Variants in WDFY3 observed in about 807,000 individuals in gnomAD.
WDFY3 encodes the protein WD repeat and FYVE domain containing 3, also known as WD repeat and FYVE domain-containing protein 3.
In WDFY3, 66 loss-of-function variants were observed where a neutral mutation model predicts 409.6. The ratio of observed to expected loss-of-function variants is 0.16; its 90% CI spans 0.13 to 0.20. WDFY3 has a LOEUF of 0.20. Among genes scored for constraint, WDFY3 ranks in the 10% least tolerant of loss-of-function variants. WDFY3 has a pLI of 1.00. For missense variants in WDFY3, 3,031 were observed against 4,298.1 expected (o/e 0.71, Z 8.24); for synonymous variants, 1,521 against 1,537.1 (o/e 0.99, Z 0.25).
intron 38 of WDFY3, 142 bp downstream of exon 38, chr4:84,741,619 T>A: frequency 9.9e-7 from 1 of 1,009,598 alleles, no homozygotes; most frequent in Non-Finnish European, 1.4e-6. Flanking sequence ...CCAGCCTGTC[T>A]CTATTCACTT....
At chr4:84,958,508 T>C (rs1317962218) in intron 1 of WDFY3, among the ~76,000 whole-genome samples, 2 of 152,138 alleles carry the variant, frequency 1.3e-5, no homozygotes, top group Admixed American at 1.3e-4. Flanking sequence ...AGTTTCATAA[T>C]AGGAGTACAA....
intron 1 of WDFY3, among the ~76,000 whole-genome samples, chr4:84,959,025 AATT>A (rs985709825): frequency 5.3e-5 from 8 of 152,334 alleles, no homozygotes; most frequent in Admixed American, 2.0e-4. Context: ...AATAATTGAC[AATT>A]ATTGACAGTA....
chr4:84,827,704 G>A (rs1262690702), intron 9 of WDFY3, among the ~76,000 whole-genome samples: 2 of 152,166 alleles, frequency 1.3e-5, no homozygotes, highest in Admixed American at 1.3e-4. Context: ...CTAGTAATGT[G>A]AAGTGGTTAT....
At chr4:84,731,102 C>G (rs936826243) in intron 44 of WDFY3, among the ~76,000 whole-genome samples, 2 of 152,054 alleles carry the variant, frequency 1.3e-5, no homozygotes, top group African/African-American at 4.8e-5. Flanking sequence ...TGGCAAAAGT[C>G]TCATTATGTT....
intron 2 of WDFY3, among the ~76,000 whole-genome samples, chr4:84,901,513 A>C (rs761886622): frequency 6.6e-6 from 1 of 152,204 alleles, no homozygotes; most frequent in Non-Finnish European, 1.5e-5. Flanking sequence ...AGTCTCCATA[A>C]GCATAAGAAA....
chr4:84,779,269 A>T (rs575770533), intron 26 of WDFY3, among the ~76,000 whole-genome samples: 7 of 152,362 alleles, frequency 4.6e-5, no homozygotes, highest in African/African-American at 1.7e-4. Context: ...ACAACACAGT[A>T]AACAGTATAT....
chr4:84,955,202 CA>C (rs1289054208), intron 1 of WDFY3, among the ~76,000 whole-genome samples: 72 of 96,128 alleles, frequency 7.5e-4, no homozygotes, highest in Admixed American at 9.0e-4. Flanking sequence ...AACACTGTCT[CA>C]AAAAAAAAAA....
At chr4:84,773,678 C>T (rs1745061307) in intron 29 of WDFY3, among the ~76,000 whole-genome samples, 1 of 152,116 alleles carries the variant, frequency 6.6e-6, no homozygotes, top group Non-Finnish European at 1.5e-5. Flanking sequence ...AATTAATTCT[C>T]CAAAATAATT....
chr4:84,828,856 A>G, intron 9 of WDFY3, 148 bp downstream of exon 9: 1 of 762,446 alleles, frequency 1.3e-6, no homozygotes, highest in Non-Finnish European at 1.9e-6. Context: ...CTGTGATTGC[A>G]CCAGAAAAAG....
Position 84,766,240 on chromosome 4 carries a change from A to C in WDFY3, c.4970+12T>G. On this transcript the variant is annotated intron_variant, in intron 31 of 67. Transcript: ENST00000295888. ...CAACTGGTATAATCACTTTTAAAAAAGATTTACTTACTGCAAATTAATGCT... is the reference window on the plus strand; with the variant it reads ...CAACTGGTATAATCACTTTTAAAAACGATTTACTTACTGCAAATTAATGCT... The C allele has an allele frequency of 6.4e-7, 1 of 1,568,904 alleles. No individual in the cohort carries two copies. The highest frequency in any genetic ancestry group is 8.6e-7 in the Non-Finnish European group (1 of 1,159,008).
At chr4:84,893,968 G>A (rs182580187) in intron 3 of WDFY3, among the ~76,000 whole-genome samples, 13 of 150,430 alleles carry the variant, frequency 8.6e-5, no homozygotes, top group Non-Finnish European at 1.6e-4. Context: ...CAGCCTGGGC[G>A]ACAGAGCAAG....
chr4:84,796,505 C>T lies in WDFY3; in HGVS notation c.3167+16G>A. ...GCATAAAACCATAAAGGTTGGCTTC[C>T]TTGCAAATTTCTTACCCAAACCCTT... On this transcript the variant is annotated intron_variant, in intron 19 of 67. Transcript: ENST00000295888. 1 of 1,512,862 alleles carries T rather than the reference C, an allele frequency of 6.6e-7. No homozygotes were observed. Among genetic ancestry groups the T allele is most frequent in the Non-Finnish European group, 8.9e-7 (1 of 1,124,970 alleles). The allele number at this position is 1,512,862 out of a possible 1,614,324, so 93.7% of individuals were successfully genotyped here.
intron 1 of WDFY3, among the ~76,000 whole-genome samples, chr4:84,951,702 C>G (rs1166728704): frequency 2.6e-5 from 4 of 152,170 alleles, no homozygotes; most frequent in Non-Finnish European, 4.4e-5. Context: ...TTAGATACTG[C>G]AATGCAACCA....
chr4:84,778,300 A>G (rs55724123), intron 27 of WDFY3, among the ~76,000 whole-genome samples: 2,743 of 152,276 alleles, frequency 0.018, 32 homozygotes, highest in Admixed American at 0.029. Flanking sequence ...TTTCACTTCT[A>G]AAATATTTGC....
rs181119654 is a variant in WDFY3, at chr4:84,755,406, G to C, written c.5425-6C>G. 2 of 1,603,048 alleles carry C rather than the reference G, an allele frequency of 1.2e-6. No individual in the cohort carries two copies. The highest frequency in any genetic ancestry group is 4.5e-5 in the East Asian group (2 of 44,676). ...CAAATGGAATCCAAATCAAACTGCA[G>C]AGGTGAAAGGGAGCAAATATTAGCC... On this transcript the variant is annotated splice_polypyrimidine_tract_variant and splice_region_variant and intron_variant, in intron 33 of 67. Transcript: ENST00000295888.
At chr4:84,924,672 T>C (rs1769740057) in intron 2 of WDFY3, among the ~76,000 whole-genome samples, 1 of 152,218 alleles carries the variant, frequency 6.6e-6, no homozygotes, top group Non-Finnish European at 1.5e-5. Flanking sequence ...AATCCTCTGC[T>C]CTTTCACCTA....
rs1425508329 is a variant in WDFY3 at position 84,702,384 on chromosome 4, T to G, written c.8565A>C (p.Glu2855Asp). 6.2e-7 allele frequency: 1 copy of G among 1,612,546 alleles called. No homozygotes were observed. Among genetic ancestry groups the G allele is most frequent in the Non-Finnish European group, 8.5e-7 (1 of 1,179,482 alleles). Residue 2855 changes from glutamate to aspartate, a missense_variant, in exon 56 of 68, where the codon GAA becomes GAC. Transcript: ENST00000295888. The part of the protein sequence containing the change: ...ELIPEFFYLP[E>D]FLFNSNNFDL... ...CAAAGTTGTTGGAATTGAACAGGAA[T>G]TCTGGTAAATAAAAGAACTCTGGGA... is the stretch of plus-strand genomic sequence containing the variant.
intron 62 of WDFY3, among the ~76,000 whole-genome samples, chr4:84,684,432 T>A (rs1727958113): frequency 6.6e-6 from 1 of 152,192 alleles, no homozygotes; most frequent in African/African-American, 2.4e-5. Context: ...GAAAGCTCCC[T>A]GTCATCTGAG....
At chr4:84,741,983 C>T (rs756372674) in intron 37 of WDFY3, 62 bp from the exon 38 acceptor site, 25 of 1,429,468 alleles carry the variant, frequency 1.7e-5, no homozygotes, top group East Asian at 2.4e-5. Flanking sequence ...GGACCAGATC[C>T]TCAAAAAAAA....
Sources: allele counts gnomAD v4.1 joint callset (sites outside exome capture counted in the v4.1 genomes callset), GRCh38; gene constraint gnomAD v4.1.1; transcripts MANE v1.5; gene names NCBI Gene and HGNC (gene_info 2026-07-23, HGNC 2026-07-21).